FGGY: variants seen among roughly 807,000 people sequenced by gnomAD.
FGGY encodes the protein FGGY carbohydrate kinase domain containing, also known as FGGY carbohydrate kinase domain-containing protein.
Under a neutral mutation model 71.3 loss-of-function variants are expected in FGGY, and 72 were observed. The ratio of observed to expected loss-of-function variants is 1.01; its 90% CI spans 0.84 to 1.23. The LOEUF is 1.23. Among genes scored for constraint, FGGY ranks in the 50% most tolerant of loss-of-function variants. The probability of loss-of-function intolerance (pLI) is 0.00; values close to 1 mark genes in which losing one functional copy is unlikely to be tolerated. For missense variants in FGGY, 668 were observed against 682.3 expected, an observed-to-expected ratio of 0.98 and a Z score of 0.23; for synonymous variants, 251 against 250.3, an observed-to-expected ratio of 1.00 and a Z score of -0.02.
chr1:59,438,055 T>C (rs2068872945), intron 5 of FGGY, among the ~76,000 whole-genome samples: 2 of 152,350 alleles, frequency 1.3e-5, no homozygotes, highest in South Asian at 4.1e-4. Flanking sequence ...CGACTGCTAC[T>C]GATAGTAGCT....
chr1:59,757,300 T>C lies in FGGY; in HGVS notation c.1513-631T>C, dbSNP rs562888987. 2.6e-5 allele frequency among the ~76,000 whole-genome samples: 4 copies of C among 152,322 alleles called. No individual in the cohort carries two copies. The South Asian group carries it at 8.3e-4, about 32-fold the overall frequency. On this transcript the variant is annotated intron_variant, in intron 14 of 15. Coordinates refer to ENST00000303721, the MANE Select transcript of FGGY (RefSeq NM_018291.5). The stretch of plus-strand genomic sequence containing the variant: ...TTGATGCTGCACCTACCATACCATG[T>C]CTACCCAGATGCTGTAACATGTCAT...
chr1:59,667,153 GTC>G, intron 12 of FGGY, 128 bp from the exon 13 acceptor site: 1 of 1,140,214 alleles, frequency 8.8e-7, no homozygotes, highest in East Asian at 2.4e-5. Context: ...ATCTCTGTGA[GTC>G]TCAGCTTTCT....
At chr1:59,596,804 G>T (rs542219321) in intron 8 of FGGY, among the ~76,000 whole-genome samples, 1 of 152,160 alleles carries the variant, frequency 6.6e-6, no homozygotes, top group East Asian at 1.9e-4. Flanking sequence ...CACATGTACC[G>T]CCGTGTGCTG....
intron 13 of FGGY, among the ~76,000 whole-genome samples, chr1:59,668,860 G>A (rs922500387): frequency 1.1e-4 from 17 of 151,876 alleles, no homozygotes; most frequent in African/African-American, 2.9e-4. Flanking sequence ...GCGTGGTGGC[G>A]CATGCCTGTA....
At chr1:59,338,931 A>G (rs895501423) in intron 2 of FGGY, among the ~76,000 whole-genome samples, 10 of 152,182 alleles carry the variant, frequency 6.6e-5, no homozygotes, top group African/African-American at 2.4e-4. Flanking sequence ...ATATATTGCC[A>G]CTACCATATA....
At chr1:59,302,657 A>ATCTG (rs1396902631) in intron 1 of FGGY, among the ~76,000 whole-genome samples, 1 of 152,152 alleles carries the variant, frequency 6.6e-6, no homozygotes, top group Non-Finnish European at 1.5e-5. Context: ...AGACACTGAG[A>ATCTG]TCTACTTGAG....
At chr1:59,548,035 A>G (rs1001177018) in intron 7 of FGGY, among the ~76,000 whole-genome samples, 1 of 152,224 alleles carries the variant, frequency 6.6e-6, no homozygotes, top group African/African-American at 2.4e-5. Context: ...CACATAAACT[A>G]AAGTTACAGT....
intron 8 of FGGY, among the ~76,000 whole-genome samples, chr1:59,590,158 A>G (rs2096401276): frequency 6.6e-6 from 1 of 152,158 alleles, no homozygotes; most frequent in African/African-American, 2.4e-5. Flanking sequence ...TACTACAAAC[A>G]CCTCTACTCA....
At chr1:59,598,502 C>G (rs779456851) in intron 8 of FGGY, among the ~76,000 whole-genome samples, 16 of 152,194 alleles carry the variant, frequency 1.1e-4, no homozygotes, top group Non-Finnish European at 2.1e-4. Context: ...CAACATTTGG[C>G]TGCCTCCCTC....
chr1:59,480,948 G>A (rs755650677), intron 6 of FGGY, among the ~76,000 whole-genome samples: 1 of 152,132 alleles, frequency 6.6e-6, no homozygotes, highest in Non-Finnish European at 1.5e-5. Context: ...AGACAAAAAT[G>A]TTGGTATTTT....
intron 5 of FGGY, among the ~76,000 whole-genome samples, chr1:59,440,704 A>G (rs1209914543): frequency 3.4e-5 from 5 of 148,956 alleles, no homozygotes; most frequent in Non-Finnish European, 7.4e-5. Context: ...TTAGCAGGTG[A>G]TCATAATGCA....
chr1:59,551,013 A>G (rs1382435878), intron 7 of FGGY, among the ~76,000 whole-genome samples: 1 of 152,162 alleles, frequency 6.6e-6, no homozygotes, highest in Non-Finnish European at 1.5e-5. Context: ...TCAGCACAGT[A>G]CCCAGCCTAT....
chr1:59,613,001 T>A (rs948052314), intron 9 of FGGY, among the ~76,000 whole-genome samples: 2 of 152,102 alleles, frequency 1.3e-5, no homozygotes, highest in African/African-American at 4.8e-5. Context: ...ATAAAGCAAG[T>A]CCTTAGAGAA....
At chr1:59,705,579 C>A (rs1039238878) in intron 14 of FGGY, among the ~76,000 whole-genome samples, 1 of 152,134 alleles carries the variant, frequency 6.6e-6, no homozygotes, top group Non-Finnish European at 1.5e-5. Flanking sequence ...CAGCCACAGG[C>A]AAATGAGATG....
rs569181074 is a variant in FGGY at position 59,347,086 on chromosome 1, T to C, written c.465+688T>C. ...TGCCTTTATGCCTTTTTTTTCCTCT[T>C]TTTTTTTCGGTTATTCTTTATTATT... On this transcript the variant is annotated intron_variant, in intron 4 of 15. Coordinates refer to ENST00000303721, the MANE Select transcript of FGGY (RefSeq NM_018291.5). Among the ~76,000 whole-genome samples the C allele has an allele frequency of 2.2e-3, 200 of 91,856 alleles. 1 individual carries two copies. Among genetic ancestry groups the C allele is most frequent in the African/African-American group, 9.2e-3 (193 of 20,990 alleles). The allele number at this position is 91,856 out of a possible 152,430, so 60.3% of individuals were successfully genotyped here.
chr1:59,657,311 C>T (rs2097228250), intron 11 of FGGY, among the ~76,000 whole-genome samples: 1 of 152,200 alleles, frequency 6.6e-6, no homozygotes, highest in South Asian at 2.1e-4. Context: ...GCTTAATCCT[C>T]TTCCCATTGA....
intron 9 of FGGY, among the ~76,000 whole-genome samples, chr1:59,610,977 C>A (rs992098955): frequency 3.9e-5 from 6 of 152,234 alleles, no homozygotes; most frequent in African/African-American, 1.2e-4. Flanking sequence ...GGGTGCCCAC[C>A]ATTGCTGAGG....
intron 6 of FGGY, among the ~76,000 whole-genome samples, chr1:59,463,832 G>A (rs1380491689): frequency 6.6e-6 from 1 of 152,184 alleles, no homozygotes; most frequent in Admixed American, 6.5e-5. Flanking sequence ...AAATACATAT[G>A]TGCCCAATAT....
intron 5 of FGGY, among the ~76,000 whole-genome samples, chr1:59,455,750 C>T (rs1481000267): frequency 6.6e-6 from 1 of 152,148 alleles, no homozygotes; most frequent in Non-Finnish European, 1.5e-5. Context: ...TCTGGGAAAT[C>T]AGAAGAGGAG....
Sources: allele counts gnomAD v4.1 joint callset (sites outside exome capture counted in the v4.1 genomes callset), GRCh38; gene constraint gnomAD v4.1.1; transcripts MANE v1.5; gene names NCBI Gene and HGNC (gene_info 2026-07-23, HGNC 2026-07-21).